The following SLC39A10 variants were observed in gnomAD, a reference collection of about 807,000 sequenced individuals.
SLC39A10 encodes the protein zinc transporter ZIP10.
SLC39A10 carries 13 observed loss-of-function variants against 65.1 expected under a neutral mutation model. That is an observed-to-expected ratio of 0.20 (90% CI 0.13 to 0.32). The LOEUF is 0.32. Ranked by LOEUF, SLC39A10 falls within the 10% of genes least tolerant of loss-of-function variation. The pLI, the probability that SLC39A10 is intolerant of heterozygous loss-of-function variation, is 1.00. For synonymous variants in SLC39A10, 321 were observed against 342.2 expected, an observed-to-expected ratio of 0.94 and a Z score of 0.68; for missense variants, 831 against 1,018.4, an observed-to-expected ratio of 0.82 and a Z score of 2.50.
intron 1 of SLC39A10, among the ~76,000 whole-genome samples, chr2:195,663,413 G>A (rs898630381): frequency 1.3e-5 from 2 of 152,144 alleles, no homozygotes; most frequent in African/African-American, 2.4e-5. Context: ...AGGGGCTAGG[G>A]AAAGATTTAT....
intron 8 of SLC39A10, among the ~76,000 whole-genome samples, chr2:195,726,630 C>G (rs1179090960): frequency 6.6e-6 from 1 of 152,134 alleles, no homozygotes; most frequent in Non-Finnish European, 1.5e-5. Context: ...TAGATAATCT[C>G]CTTAGGTACA....
At chr2:195,621,290 G>A (rs1308119365) in intron 2 of SLC39A10, among the ~76,000 whole-genome samples, 1 of 152,096 alleles carries the variant, frequency 6.6e-6, no homozygotes, top group Non-Finnish European at 1.5e-5. Flanking sequence ...GATATACTAT[G>A]TTTTTCTAAA....
At chr2:195,649,762 A>G (rs1688993823) in intron 2 of SLC39A10, among the ~76,000 whole-genome samples, 1 of 152,174 alleles carries the variant, frequency 6.6e-6, no homozygotes. Flanking sequence ...TGAAAAGTCA[A>G]TTTCTGCTGT....
chr2:195,624,034 TAAGAGA>T (rs1688407586), intron 2 of SLC39A10, among the ~76,000 whole-genome samples: 1 of 151,760 alleles, frequency 6.6e-6, no homozygotes, highest in Non-Finnish European at 1.5e-5. Context: ...GGAATAAAAT[TAAGAGA>T]AAGATCATTT....
chr2:195,638,434 G>C (rs1688735077), intron 2 of SLC39A10, among the ~76,000 whole-genome samples: 1 of 152,130 alleles, frequency 6.6e-6, no homozygotes, highest in Admixed American at 6.5e-5. Context: ...CCACCTCCCA[G>C]GTTCAAGCGA....
Position 195,735,095 on chromosome 2 carries a change from C to CT in SLC39A10, c.*55dup. ...AGAATGTTACCATGCAGCTTTGCAT[C>CT]TGTTCCTTGTACTGTATGCACATTG... is the stretch of plus-strand genomic sequence containing the variant. On this transcript the variant is annotated 3_prime_UTR_variant, in exon 10 of 10. Coordinates refer to ENST00000359634, the MANE Select transcript of SLC39A10 (RefSeq NM_020342.3). 1 of 1,560,866 alleles carries CT rather than the reference C, an allele frequency of 6.4e-7. No individual in the cohort carries two copies. The highest frequency in any genetic ancestry group is 1.8e-5 in the Admixed American group (1 of 55,674).
chr2:195,719,471 T>A (rs185001075), intron 8 of SLC39A10, among the ~76,000 whole-genome samples: 30 of 152,300 alleles, frequency 2.0e-4, no homozygotes, highest in Admixed American at 1.2e-3. Flanking sequence ...TTTCTAGACT[T>A]GATACCTGTC....
intron 1 of SLC39A10, among the ~76,000 whole-genome samples, chr2:195,671,086 A>G (rs1689838840): frequency 6.6e-6 from 1 of 152,002 alleles, no homozygotes; most frequent in Non-Finnish European, 1.5e-5. Context: ...CTGCCCAGTC[A>G]CTCCCCACAC....
chr2:195,683,984 A>G (rs1020135386), intron 3 of SLC39A10, 78 bp downstream of exon 3: 2 of 975,146 alleles, frequency 2.1e-6, no homozygotes, highest in Non-Finnish European at 3.0e-6. Context: ...ATTAGAAAAG[A>G]ATCCTAAATT....
At chr2:195,733,744 G>A (rs1322539393) in intron 9 of SLC39A10, among the ~76,000 whole-genome samples, 4 of 151,956 alleles carry the variant, frequency 2.6e-5, no homozygotes, top group African/African-American at 9.7e-5. Flanking sequence ...TGTTCAGGCT[G>A]GTCTCAAACT....
intron 8 of SLC39A10, among the ~76,000 whole-genome samples, chr2:195,721,644 ACTG>A (rs1692045471): frequency 6.6e-6 from 1 of 151,870 alleles, no homozygotes; most frequent in East Asian, 1.9e-4. Flanking sequence ...TCTATCACAT[ACTG>A]CTGTTAGCCT....
At chr2:195,653,979 C>T (rs1689092235), upstream of SLC39A10, among the ~76,000 whole-genome samples, 1 of 152,078 alleles carries the variant, frequency 6.6e-6, no homozygotes, top group Admixed American at 6.5e-5. Flanking sequence ...GCTCTTGTTG[C>T]CCAGGCTGGA....
At chr2:195,700,650 T>G (rs1382496818) in intron 3 of SLC39A10, among the ~76,000 whole-genome samples, 2 of 152,228 alleles carry the variant, frequency 1.3e-5, no homozygotes, top group African/African-American at 4.8e-5. Flanking sequence ...ATGTCTTAGT[T>G]TCTCCCTCAC....
intron 4 of SLC39A10, among the ~76,000 whole-genome samples, chr2:195,707,629 G>A (rs1691455369): frequency 1.3e-5 from 2 of 151,614 alleles, no homozygotes; most frequent in Non-Finnish European, 2.9e-5. Context: ...TGAATCTTAA[G>A]GCTGTGAATA....
intron 2 of SLC39A10, among the ~76,000 whole-genome samples, chr2:195,617,704 C>CTTTTATTTTATTTTA (rs769524272): frequency 0.067 from 9,292 of 137,986 alleles, 552 homozygotes; most frequent in Non-Finnish European, 0.081. Context: ...GACCTTGTTT[C>CTTTTATTTTATTTTA]TTTTCTTTTC....
rs1194483939 is a variant in SLC39A10, at chr2:195,728,268, TG to T, written c.2258del (p.Gly753ValfsTer22). On this transcript the variant is annotated frameshift_variant, in exon 9 of 10. Transcript: ENST00000359634. LOFTEE classifies it high-confidence loss of function. The surrounding 1 kb of genome is among the most constrained non-coding windows in gnomAD (Gnocchi z 4.4). ...TAGGCATGCTCATAGGCACAGCTGT[TG>T]GTCAGTATGCCAATAACATCACACT... ...YIGMLIGTAVGQYANNITLWI... is the reference protein window; with the variant it reads ...YIGMLIGTAVXQYANNITLWI... The T allele has an allele frequency of 6.2e-7, 1 of 1,613,958 alleles. No homozygotes were observed. The highest frequency in any genetic ancestry group is 8.5e-7 in the Non-Finnish European group (1 of 1,179,926).
chr2:195,638,952 G>GTTTTT (rs35269104), intron 2 of SLC39A10, among the ~76,000 whole-genome samples: 1 of 146,748 alleles, frequency 6.8e-6, no homozygotes, highest in Non-Finnish European at 1.5e-5. Context: ...GACCTTGGCA[G>GTTTTT]TTTTTTTTTT....
intron 1 of SLC39A10, among the ~76,000 whole-genome samples, chr2:195,663,712 GAAAT>G (rs61249029): frequency 0.52 from 77,201 of 149,264 alleles, 20,489 homozygotes; most frequent in Non-Finnish European, 0.6. Flanking sequence ...GAAAAAAAAA[GAAAT>G]AAGAGAAAAG....
rs111762501 is a variant in SLC39A10 at position 195,674,707 on chromosome 2, G to A, written c.-11-5325G>A. 236 of 937,958 alleles carry A rather than the reference G, an allele frequency of 2.5e-4. No individual in the cohort carries two copies. In the African/African-American group the frequency reaches 3.9e-3, roughly 16 times the overall value. 58.1% of individuals were successfully genotyped at this position (937,958 alleles called of 1,614,324 possible). On this transcript the variant is annotated intron_variant, in intron 1 of 9. Transcript: ENST00000359634. ...TATGTTCTGAGGTGCAGGCTTAGGT[G>A]ATTTTGTCATTGTGTGAACATCATA...
Sources: allele counts gnomAD v4.1 joint callset (sites outside exome capture counted in the v4.1 genomes callset), GRCh38; gene constraint gnomAD v4.1.1; non-coding constraint Gnocchi (gnomAD v3.1); transcripts MANE v1.5; gene names NCBI Gene and HGNC (gene_info 2026-07-23, HGNC 2026-07-21).